The following GFRA1 variants were observed in gnomAD, a reference collection of about 807,000 sequenced individuals.
GFRA1 encodes GDNF family receptor alpha-1.
GFRA1 carries 16 observed loss-of-function variants against 51.6 expected under a neutral mutation model. The ratio of observed to expected loss-of-function variants is 0.31; its 90% confidence interval spans 0.21 to 0.47. GFRA1 has a LOEUF of 0.47. Among genes scored for constraint, GFRA1 ranks in the 20% least tolerant of loss-of-function variants. The pLI is 1.00. For synonymous variants in GFRA1, 270 were observed against 241.3 expected (o/e 1.12, Z -1.10); for missense variants, 530 against 594.3 (o/e 0.89, Z 1.13).
At chr10:116,084,254 T>C (rs1176537560) in intron 9 of GFRA1, among the ~76,000 whole-genome samples, 1 of 152,228 alleles carries the variant, frequency 6.6e-6, no homozygotes, top group Non-Finnish European at 1.5e-5. Context: ...CTTTCGAAGA[T>C]TATCCACATG....
chr10:116,270,510 T>C (rs1843817121), intron 3 of GFRA1, among the ~76,000 whole-genome samples: 2 of 152,178 alleles, frequency 1.3e-5, no homozygotes, highest in African/African-American at 2.4e-5. Context: ...GGAAAGAAGT[T>C]GTGGGTTCCT....
At chr10:116,267,157 T>TA (rs1227837083) in intron 4 of GFRA1, among the ~76,000 whole-genome samples, 2 of 151,636 alleles carry the variant, frequency 1.3e-5, no homozygotes, top group Non-Finnish European at 2.9e-5. Flanking sequence ...GAAAAGTTTT[T>TA]AAAAAAATAA....
chr10:116,187,970 T>C (rs143285087), intron 5 of GFRA1, among the ~76,000 whole-genome samples: 37 of 152,282 alleles, frequency 2.4e-4, no homozygotes, highest in Middle Eastern at 3.4e-3. Context: ...GCACTGAGTG[T>C]AACTGGCAGA....
At chr10:116,093,041 G>C (rs1011197223) in intron 8 of GFRA1, among the ~76,000 whole-genome samples, 1 of 152,096 alleles carries the variant, frequency 6.6e-6, no homozygotes, top group African/African-American at 2.4e-5. Flanking sequence ...CTGCCTTAAG[G>C]ACACTGCAGT....
chr10:116,092,389 C>A (rs1271109630), intron 8 of GFRA1, among the ~76,000 whole-genome samples: 1 of 152,110 alleles, frequency 6.6e-6, no homozygotes, highest in Non-Finnish European at 1.5e-5. Context: ...TAGAGTAACA[C>A]ACAAAAGCTT....
rs1373945832 is a variant in GFRA1, at chr10:116,111,697, C to A, written c.770+13524G>T. Among the ~76,000 whole-genome samples, 3 of 152,288 alleles carry A rather than the reference C, an allele frequency of 2.0e-5. No homozygotes were observed. The South Asian group carries it at 6.2e-4, about 32-fold the overall frequency. ...GCCTAGATCACCTGGCCAACATTCTCTAAGGCAGCAGGGAATGGTAAGCCC... is the reference window on the plus strand; with the variant it reads ...GCCTAGATCACCTGGCCAACATTCTATAAGGCAGCAGGGAATGGTAAGCCC... On this transcript the variant is annotated intron_variant, in intron 6 of 10. Transcript: ENST00000355422.
intron 5 of GFRA1, among the ~76,000 whole-genome samples, chr10:116,201,251 A>T (rs892411235): frequency 7.9e-5 from 12 of 152,184 alleles, no homozygotes; most frequent in Non-Finnish European, 1.5e-4. Context: ...AAGGAGTAAT[A>T]AAAATGAGTA....
rs180738050 is a variant in GFRA1 at position 116,174,831 on chromosome 10, T to C, written c.433+36800A>G. Among the ~76,000 whole-genome samples the C allele has an allele frequency of 5.3e-5, 8 of 152,334 alleles. No individual in the cohort carries two copies. The East Asian group carries it at 1.4e-3, about 26-fold the overall frequency. On this transcript the variant is annotated intron_variant, in intron 5 of 10. Transcript: ENST00000355422. The stretch of plus-strand genomic sequence containing the variant: ...ATTTTAATAAGCTTTAAAACATGAT[T>C]TTTCTCTCTCAACGTTGAAAGCAAA...
At position 116,093,828 on chromosome 10, in the gene GFRA1, T is replaced by G; in HGVS notation, c.889A>C (p.Met297Leu). The change falls in exon 8 of 11, where the codon ATG (methionine) becomes CTG (leucine). Residue 297 changes from methionine (M) to leucine (L), a missense_variant. Met to Leu is a conservative substitution (Grantham distance 15, BLOSUM62 2). Coordinates refer to ENST00000355422, the MANE Select transcript of GFRA1 (RefSeq NM_005264.8). ...CTGGAGTCTATGTAGTTGGGGGTCA[T>G]GACTGTGCCTAAAAGAATAAAAACA... Reference protein sequence around the residue: ...LAYSGLIGTVMTPNYIDSSSL... With the variant: ...LAYSGLIGTVLTPNYIDSSSL... 1.2e-6 allele frequency: 2 copies of G among 1,614,104 alleles called. No homozygotes were observed. The highest frequency in any genetic ancestry group is 1.7e-6 in the Non-Finnish European group (2 of 1,179,936).
intron 4 of GFRA1, among the ~76,000 whole-genome samples, chr10:116,245,176 C>A (rs1967764363): frequency 6.6e-6 from 1 of 152,134 alleles, no homozygotes; most frequent in African/African-American, 2.4e-5. Context: ...AAATACATAT[C>A]TGAAAATGAG....
intron 6 of GFRA1, among the ~76,000 whole-genome samples, chr10:116,100,998 T>C (rs1429641106): frequency 2.6e-5 from 4 of 152,158 alleles, no homozygotes; most frequent in African/African-American, 9.7e-5. Context: ...ATAATGAGGC[T>C]GGCGGTGGCT....
chr10:116,158,307 A>G (rs1959367922), intron 5 of GFRA1, among the ~76,000 whole-genome samples: 1 of 152,234 alleles, frequency 6.6e-6, no homozygotes, highest in Non-Finnish European at 1.5e-5. Context: ...ACACAGAGAA[A>G]ATATACAACT....
intron 5 of GFRA1, among the ~76,000 whole-genome samples, chr10:116,208,993 G>C (rs907001387): frequency 2.6e-5 from 4 of 152,168 alleles, no homozygotes; most frequent in African/African-American, 7.2e-5. Flanking sequence ...GTCAATTAAG[G>C]CTCCTTGAAA....
Position 116,080,039 on chromosome 10 carries a change from C to CCATAACCCAGCCTGATCCT in GFRA1, c.1197+9683_1197+9701dup, listed in dbSNP as rs1455386483. Among the ~76,000 whole-genome samples the CCATAACCCAGCCTGATCCT allele has an allele frequency of 8.5e-5, 13 of 152,264 alleles. 1 individual carries two copies. In the East Asian group the frequency reaches 2.5e-3, roughly 29 times the overall value. ...CCCATAAAGCAATGCCTCCTGAGTC[C>CCATAACCCAGCCTGATCCT]CATAACCCAGCCTGATCCTTAAGGG... is the stretch of plus-strand genomic sequence containing the variant. On this transcript the variant is annotated intron_variant, in intron 9 of 10. Transcript: ENST00000355422.
At position 116,096,751 on chromosome 10, in the gene GFRA1, C is replaced by T. The variant is rs1024879144; in HGVS notation, c.784G>A (p.Asp262Asn). Residue 262 changes from aspartate to asparagine, a missense_variant, in exon 7 of 11, where the codon GAT (aspartate) becomes AAT (asparagine). By Grantham distance (23) the Asp-to-Asn change is conservative. Coordinates refer to ENST00000355422, the MANE Select transcript of GFRA1 (RefSeq NM_005264.8). ...TCTGGCTGGCAGTTGGTAAAAAAAT[C>T]CGCAAGGCGAGATCTACAATAGGAA... ...TNYICRSRLADFFTNCQPESR... is the reference protein window; with the variant it reads ...TNYICRSRLANFFTNCQPESR... 2 of 1,599,404 alleles carry T rather than the reference C, an allele frequency of 1.3e-6. No homozygotes were observed. The highest frequency in any genetic ancestry group is 2.8e-5 in the African/African-American group (2 of 72,190).
intron 9 of GFRA1, among the ~76,000 whole-genome samples, chr10:116,076,435 CA>C (rs540689836): frequency 9.3e-5 from 14 of 150,312 alleles, no homozygotes; most frequent in Middle Eastern, 3.4e-3. Flanking sequence ...GAATGAGAAA[CA>C]AAAAAAAAGG....
intron 5 of GFRA1, among the ~76,000 whole-genome samples, chr10:116,172,061 G>A (rs1346879163): frequency 6.6e-6 from 1 of 152,074 alleles, no homozygotes; most frequent in Non-Finnish European, 1.5e-5. Context: ...TCCTTCCACG[G>A]TGTTTACCCT....
At chr10:116,244,571 G>A (rs1044120461) in intron 4 of GFRA1, among the ~76,000 whole-genome samples, 12 of 150,276 alleles carry the variant, frequency 8.0e-5, no homozygotes, top group South Asian at 4.2e-4. Context: ...ATATACAGGC[G>A]TTAAAATTTT....
chr10:116,227,886 A>G (rs1267722058), intron 4 of GFRA1, among the ~76,000 whole-genome samples: 3 of 152,214 alleles, frequency 2.0e-5, no homozygotes, highest in Non-Finnish European at 1.5e-5. Flanking sequence ...GGCATATCCA[A>G]AGATGATATA....
Sources: gnomAD v4.1 joint callset for allele counts (sites outside exome capture counted in the v4.1 genomes callset) on GRCh38, gnomAD v4.1.1 for gene constraint, MANE v1.5 for transcripts, NCBI Gene and HGNC (gene_info 2026-07-23, HGNC 2026-07-21) for gene names.